The following FBXL13 variants were observed in gnomAD, a reference collection of about 807,000 sequenced individuals.
The protein encoded by FBXL13 is F-box and leucine rich repeat protein 13.
Under a neutral mutation model 83.6 loss-of-function variants are expected in FBXL13, and 67 were observed. The ratio of observed to expected loss-of-function variants is 0.80; its 90% CI spans 0.66 to 0.98. The LOEUF (loss-of-function observed/expected upper bound fraction) is 0.98. FBXL13 is among the 50% of genes least tolerant of loss of function. The pLI is 0.00. For missense variants in FBXL13, 822 were observed against 866.5 expected (o/e 0.95, Z 0.64); for synonymous variants, 272 against 299.5 (o/e 0.91, Z 0.95).
At chr7:102,949,722 A>T (rs1308764699) in intron 8 of FBXL13, among the ~76,000 whole-genome samples, 3 of 152,244 alleles carry the variant, frequency 2.0e-5, no homozygotes, top group Non-Finnish European at 4.4e-5. Flanking sequence ...GTTACAAAAT[A>T]TTAAAAATTT....
intron 6 of FBXL13, among the ~76,000 whole-genome samples, chr7:103,003,284 T>G (rs1478773470): frequency 8.8e-6 from 1 of 114,246 alleles, no homozygotes; most frequent in East Asian, 2.2e-4. Flanking sequence ...TGGGGTTTTT[T>G]TTTTTTTTTT....
intron 6 of FBXL13, among the ~76,000 whole-genome samples, chr7:103,016,402 G>A (rs1173587553): frequency 5.9e-5 from 9 of 152,024 alleles, no homozygotes; most frequent in Admixed American, 5.9e-4. Context: ...CAGAAGACGG[G>A]TGATTTCTGC....
At chr7:102,961,670 G>A (rs1825234079) in intron 8 of FBXL13, among the ~76,000 whole-genome samples, 1 of 151,704 alleles carries the variant, frequency 6.6e-6, no homozygotes, top group Non-Finnish European at 1.5e-5. Flanking sequence ...AGAGCCCTCA[G>A]AAATAACGCT....
At chr7:102,827,475 C>T (rs1799931335) in intron 18 of FBXL13, among the ~76,000 whole-genome samples, 1 of 152,122 alleles carries the variant, frequency 6.6e-6, no homozygotes, top group Non-Finnish European at 1.5e-5. Context: ...TCAGCCAATA[C>T]TATGTGCCAG....
chr7:102,910,409 G>T (rs750016028), intron 11 of FBXL13, among the ~76,000 whole-genome samples: 24 of 151,732 alleles, frequency 1.6e-4, no homozygotes, highest in African/African-American at 2.4e-4. Context: ...TTGTGTGTTG[G>T]GGGGAGGGGG....
intron 19 of FBXL13, among the ~76,000 whole-genome samples, chr7:102,821,473 A>G (rs1282949849): frequency 1.3e-5 from 2 of 152,226 alleles, no homozygotes; most frequent in East Asian, 3.8e-4. Context: ...CTTAATTAAG[A>G]AAGTTCCTCT....
chr7:102,874,184 G>A (rs1288152794), intron 16 of FBXL13: 1 of 206,292 alleles, frequency 4.8e-6, no homozygotes, highest in South Asian at 1.7e-4. Flanking sequence ...GTGGGTATCT[G>A]TAACATTCCA....
intron 1 of FBXL13, among the ~76,000 whole-genome samples, chr7:103,064,544 T>C (rs1798216592): frequency 6.6e-6 from 1 of 152,222 alleles, no homozygotes; most frequent in African/African-American, 2.4e-5. Flanking sequence ...CTATATCTTT[T>C]TAGAGACTGC....
intron 7 of FBXL13, among the ~76,000 whole-genome samples, chr7:102,964,647 C>T (rs1563160227): frequency 6.6e-6 from 1 of 152,084 alleles, no homozygotes; most frequent in Non-Finnish European, 1.5e-5. Context: ...AAATGATCCA[C>T]CTGCTTCAGC....
chr7:103,051,891 A>G (rs1796855864), intron 2 of FBXL13, among the ~76,000 whole-genome samples: 1 of 152,186 alleles, frequency 6.6e-6, no homozygotes, highest in Non-Finnish European at 1.5e-5. Context: ...GGGATTGGCC[A>G]AGTCTCAGCT....
At chr7:102,947,754 G>A (rs188702852) in intron 8 of FBXL13, among the ~76,000 whole-genome samples, 3 of 151,472 alleles carry the variant, frequency 2.0e-5, no homozygotes, top group African/African-American at 4.9e-5. Context: ...CTATTTGAAC[G>A]TATATATCAC....
intron 16 of FBXL13, among the ~76,000 whole-genome samples, chr7:102,855,562 C>T (rs1805915683): frequency 6.6e-6 from 1 of 152,078 alleles, no homozygotes; most frequent in African/African-American, 2.4e-5. Flanking sequence ...GTTTTTCAAT[C>T]AGGATCACAT....
intron 19 of FBXL13, among the ~76,000 whole-genome samples, chr7:102,819,461 C>T (rs1367221478): frequency 7.9e-5 from 12 of 152,134 alleles, no homozygotes; most frequent in Non-Finnish European, 4.4e-5. Context: ...GTTTGCTACT[C>T]CTCTGGTTCA....
At chr7:102,950,370 A>T (rs1823222217) in intron 8 of FBXL13, among the ~76,000 whole-genome samples, 1 of 152,260 alleles carries the variant, frequency 6.6e-6, no homozygotes, top group Admixed American at 6.5e-5. Context: ...ATTGCTGATG[A>T]GGATGTGGAG....
intron 6 of FBXL13, chr7:102,973,472 C>T (rs1563171598): frequency 1.3e-6 from 1 of 758,046 alleles, no homozygotes; most frequent in South Asian, 1.4e-5. Context: ...TAAAACCCTG[C>T]CCCCTACTCA....
chr7:102,995,478 C>CA (rs1158263069), intron 6 of FBXL13, among the ~76,000 whole-genome samples: 1,050 of 28,516 alleles, frequency 0.037, 102 homozygotes, highest in African/African-American at 0.11. Flanking sequence ...GACTCCATCT[C>CA]AAAAAAAAAA....
intron 7 of FBXL13, 96 bp downstream of exon 8, chr7:102,967,926 C>T: frequency 1.2e-6 from 1 of 831,846 alleles, no homozygotes. Flanking sequence ...GACCACAGAG[C>T]ATGGAAGAAG....
chr7:103,069,581 C>A (rs2129505076), intron 1 of FBXL13, among the ~76,000 whole-genome samples: 1 of 152,208 alleles, frequency 6.6e-6, no homozygotes, highest in African/African-American at 2.4e-5. Context: ...AGAGCTATGC[C>A]TGAGGAATAG....
chr7:102,971,594 CA>C lies in FBXL13; in HGVS notation c.496-3478del, dbSNP rs11447254. ...AGGCAATAAGAGCGAAACTCCGTCT[CA>C]AAAAAAAAAAAAAAAAGACATTTTT... On this transcript the variant is annotated intron_variant, in intron 6 of 19. Transcript: ENST00000313221. Among the ~76,000 whole-genome samples the C allele has an allele frequency of 2.2e-3, 248 of 115,016 alleles. No homozygotes were observed. In the East Asian group the frequency reaches 0.039, roughly 18 times the overall value. The allele number at this position is 115,016 out of a possible 152,430, so 75.5% of individuals were successfully genotyped here.
Sources: gnomAD v4.1 joint callset for allele counts (sites outside exome capture counted in the v4.1 genomes callset) on GRCh38, gnomAD v4.1.1 for gene constraint, MANE v1.5 for transcripts, NCBI Gene and HGNC (gene_info 2026-07-23, HGNC 2026-07-21) for gene names.